The following IQCN variants were observed in gnomAD, a reference collection of about 807,000 sequenced individuals.
IQCN encodes the protein IQ domain-containing protein N.
In IQCN, 46 loss-of-function variants were observed where a neutral mutation model predicts 64.4. That is an observed-to-expected ratio of 0.71 (90% CI 0.56 to 0.91). The LOEUF is 0.91. IQCN is among the 40% of genes least tolerant of loss of function. The pLI is 0.00. For synonymous variants in IQCN, 733 were observed against 775.6 expected, an observed-to-expected ratio of 0.95 and a Z score of 0.91; for missense variants, 1,753 against 1,857.4, an observed-to-expected ratio of 0.94 and a Z score of 1.03.
In IQCN at chr19:18,268,174, C is replaced by G. The variant is rs78102152; in HGVS notation, c.14-648G>C. On this transcript the variant is annotated intron_variant, in intron 2 of 3. Transcript: ENST00000392413. ...TGTTTTGGAAATTTCCTGTTTGCCT[C>G]TGTGTGTGTGTGTGTGTGTGTGTGT... is the stretch of plus-strand genomic sequence containing the variant. Among the ~76,000 whole-genome samples, 55 of 134,500 alleles carry G rather than the reference C, an allele frequency of 4.1e-4. 1 individual carries two copies. The South Asian group carries it at 9.3e-3, about 23-fold the overall frequency. 88.2% of individuals were successfully genotyped at this position (134,500 alleles called of 152,430 possible).
chr19:18,258,956 G>A (rs1969374311), intron 3 of IQCN: 1 of 163,552 alleles, frequency 6.1e-6, no homozygotes, highest in South Asian at 1.5e-4. Context: ...CAGAGGACTG[G>A]AGTACATCCA....
Position 18,258,736 on chromosome 19 carries a change from C to T in IQCN, c.3178-630G>A, listed in dbSNP as rs1406730055. 1.1e-4 allele frequency: 33 copies of T among 309,714 alleles called. No individual in the cohort carries two copies. In the East Asian group the frequency reaches 2.8e-3, roughly 26 times the overall value. 19.2% of individuals were successfully genotyped at this position (309,714 alleles called of 1,614,324 possible). On this transcript the variant is annotated intron_variant, in intron 3 of 3. Coordinates refer to ENST00000392413, the MANE Select transcript of IQCN (RefSeq NM_001145304.2). ...CGGGCCAGCTGGGGTGATCCTGAGA[C>T]TACATTAGAAGCCACTGTACCCTGA...
chr19:18,272,971 GA>G (rs1394102339), intron 1 of IQCN, among the ~76,000 whole-genome samples: 1 of 152,106 alleles, frequency 6.6e-6, no homozygotes, highest in African/African-American at 2.4e-5. Context: ...ATCACATATT[GA>G]AAGGGTCCAT....
chr19:18,259,936 G>T (rs1480720105), intron 3 of IQCN: 1 of 152,318 alleles, frequency 6.6e-6, no homozygotes, highest in Non-Finnish European at 1.5e-5. Flanking sequence ...CATTGACTTT[G>T]GCCCATGCCA....
intron 3 of IQCN, chr19:18,261,503 C>G (rs865916239): frequency 2.6e-4 from 39 of 148,978 alleles, no homozygotes; most frequent in African/African-American, 9.9e-4. Context: ...TTGGAGACTC[C>G]CCAGTGGGCT....
In IQCN at chr19:18,264,973, C is replaced by T. The variant is rs61733990; in HGVS notation, c.2567G>A (p.Arg856His). 1,181 of 1,608,134 alleles carry T rather than the reference C, an allele frequency of 7.3e-4. 3 individuals carry two copies. In the African/African-American group the frequency reaches 0.013, roughly 17 times the overall value. ...CTGGCCGGGCATTGATGGCTGGGCA[C>T]GTGTGGCTCCGTTGTCTCCCCAGGA... ...VESWGDNGAT[R>H]AQPSMPGQAV... is the part of the protein sequence containing the mutation. Residue 856 changes from arginine to histidine, a missense_variant, in exon 3 of 4, where the codon CGT becomes CAT. Coordinates refer to ENST00000392413, the MANE Select transcript of IQCN (RefSeq NM_001145304.2). This position sits in a 1 kb window ranked among gnomAD's most constrained non-coding sequence, Gnocchi z 4.3.
At chr19:18,267,619 T>A (rs1969632276) in intron 2 of IQCN, 93 bp from the exon 3 acceptor site, 2 of 1,429,806 alleles carry the variant, frequency 1.4e-6, no homozygotes, top group African/African-American at 1.4e-5. Flanking sequence ...CAGGCCCAGA[T>A]CTTGTTCCTG....
At chr19:18,269,616 G>A in intron 1 of IQCN, 29 bp from the exon 2 acceptor site, 1 of 545,362 alleles carries the variant, frequency 1.8e-6, no homozygotes, top group Admixed American at 4.1e-5. Context: ...AAAAAGAAAT[G>A]TTAAAAGCAA....
At chr19:18,262,350 A>G (rs1189786981) in intron 3 of IQCN, 1 of 152,998 alleles carries the variant, frequency 6.5e-6, no homozygotes, top group Non-Finnish European at 1.5e-5. Flanking sequence ...CTGAGCCAGC[A>G]TTGGGTACTC....
rs755996872 is a variant in IQCN at position 18,266,345 on chromosome 19, T to A, written c.1195A>T (p.Thr399Ser). The A allele has an allele frequency of 1.2e-6, 2 of 1,612,898 alleles. No individual in the cohort carries two copies. The highest frequency in any genetic ancestry group is 2.7e-5 in the African/African-American group (2 of 74,746). ...GGGTGTACCTGGATCTTGGTCATTG[T>A]GGGCATGGGGCATGTGTGAGGTGCA... The part of the protein sequence containing the change: ...KTAPHTCPMP[T>S]MTKIQVHPTA... Residue 399 changes from threonine (T) to serine (S), a missense_variant, in exon 3 of 4, where the codon ACA becomes TCA. By Grantham distance (58) the Thr-to-Ser change is moderately conservative. Coordinates refer to ENST00000392413, the MANE Select transcript of IQCN (RefSeq NM_001145304.2). The surrounding 1 kb of genome is among the most constrained non-coding windows in gnomAD (Gnocchi z 4.3).
intron 3 of IQCN, 27 bp from the exon 4 acceptor site, chr19:18,258,133 C>A: frequency 6.2e-7 from 1 of 1,603,132 alleles, no homozygotes; most frequent in Non-Finnish European, 8.5e-7. Flanking sequence ...TTCAGGGATG[C>A]CTTGTGACTA....
In IQCN at chr19:18,264,714, G is replaced by A. The variant is rs1600124413; in HGVS notation, c.2826C>T (p.Ser942=). 9 of 1,551,176 alleles carry A rather than the reference G, an allele frequency of 5.8e-6. No homozygotes were observed. Among genetic ancestry groups the A allele is most frequent in the Non-Finnish European group, 7.8e-6 (9 of 1,146,994 alleles). Residue 942 remains serine (S), a synonymous_variant, in exon 3 of 4, where the codon TCC becomes TCT. Transcript: ENST00000392413. This position sits in a 1 kb window ranked among gnomAD's most constrained non-coding sequence, Gnocchi z 4.3. ...MLSMALVKAL[S]WSELRLTLSR... ...ACAGGGTCAGGCGCAGCTCACTCCA[G>A]GACAGCGCCTTCACCAGCGCCATGC...
intron 1 of IQCN, among the ~76,000 whole-genome samples, chr19:18,272,494 A>C (rs1350373857): frequency 6.6e-6 from 1 of 152,134 alleles, no homozygotes; most frequent in East Asian, 1.9e-4. Flanking sequence ...TCAAGACTGC[A>C]AAGTCACAGG....
In IQCN at chr19:18,265,901, T is replaced by G; in HGVS notation, c.1639A>C (p.Ile547Leu). 6.2e-7 allele frequency: 1 copy of G among 1,614,196 alleles called. No homozygotes were observed. The highest frequency in any genetic ancestry group is 2.2e-5 in the East Asian group (1 of 44,884). Reference protein sequence around the residue: ...AAGTPNTSGSIHENPPKAKAT... With the variant: ...AAGTPNTSGSLHENPPKAKAT... ...TTGGCCTTGGGTGGGTTCTCATGGA[T>G]GGAGCCTGAGGTGTTGGGAGTTCCG... Residue 547 changes from isoleucine (I) to leucine (L), a missense_variant, in exon 3 of 4, where the codon ATC becomes CTC. Ile to Leu is a conservative substitution (Grantham distance 5). Coordinates refer to ENST00000392413, the MANE Select transcript of IQCN (RefSeq NM_001145304.2). The surrounding 1 kb of genome is among the most constrained non-coding windows in gnomAD (Gnocchi z 4.7).
chr19:18,273,022 ATATT>A (rs1293834879), intron 1 of IQCN, among the ~76,000 whole-genome samples: 2 of 152,024 alleles, frequency 1.3e-5, no homozygotes, highest in African/African-American at 4.8e-5. Flanking sequence ...TGACACACAT[ATATT>A]TATTATTTTT....
chr19:18,271,896 G>A (rs887451818), intron 1 of IQCN, among the ~76,000 whole-genome samples: 2 of 151,748 alleles, frequency 1.3e-5, no homozygotes, highest in Non-Finnish European at 2.9e-5. Context: ...TGCAACCTCC[G>A]CCTCCTGGGT....
At position 18,257,717 on chromosome 19, in the gene IQCN, G is replaced by A; in HGVS notation, c.3567C>T (p.Val1189=). The change falls in exon 4 of 4, where the codon GTC becomes GTT. Residue 1189 remains valine, a synonymous_variant. Coordinates refer to ENST00000392413, the MANE Select transcript of IQCN (RefSeq NM_001145304.2). ...CCCGGCTGCCCAGCTCCACCCACGT[G>A]ACGGGGTGGAGCATCTGCCAGTGCC... ...QARHWQMLHP[V]TWVELGSRAG... 6.2e-7 allele frequency: 1 copy of A among 1,609,308 alleles called. No individual in the cohort carries two copies. The highest frequency in any genetic ancestry group is 1.3e-5 in the African/African-American group (1 of 75,014).
Position 18,264,864 on chromosome 19 carries a change from C to T in IQCN, c.2676G>A (p.Glu892=), listed in dbSNP as rs538736936. 24 of 1,608,596 alleles carry T rather than the reference C, an allele frequency of 1.5e-5. No homozygotes were observed. In the South Asian group the frequency reaches 2.2e-4, roughly 15 times the overall value. ...AEVAGVLASQ[E]DLRTLLAKAL... is the part of the protein sequence containing the mutation. ...CTTTGGCCAACAGAGTGCGGAGATC[C>T]TCCTGGGATGCCAGCACACCAGCTA... is the stretch of plus-strand genomic sequence containing the variant. The change falls in exon 3 of 4, where the codon GAG becomes GAA. Residue 892 remains glutamate, a synonymous_variant. Transcript: ENST00000392413. This position sits in a 1 kb window ranked among gnomAD's most constrained non-coding sequence, Gnocchi z 4.3.
rs766872260 is a variant in IQCN at position 18,267,093 on chromosome 19, G to A, written c.447C>T (p.Ser149=). ...CCCTCGTTTTCTTTACCAACGACTT[G>A]CTGGAGTGAAGGATGTGTCTCTTGT... The part of the protein sequence containing the change: ...RFNKRHILHS[S]KSLVKKTRAE... The change falls in exon 3 of 4, where the codon AGC becomes AGT. Residue 149 remains serine, a synonymous_variant. Coordinates refer to ENST00000392413, the MANE Select transcript of IQCN (RefSeq NM_001145304.2). The A allele has an allele frequency of 3.1e-6, 5 of 1,614,236 alleles. No homozygotes were observed. Among genetic ancestry groups the A allele is most frequent in the Middle Eastern group, 3.3e-4 (2 of 6,062 alleles).
Sources: gnomAD v4.1 joint callset for allele counts (sites outside exome capture counted in the v4.1 genomes callset) on GRCh38, gnomAD v4.1.1 for gene constraint, Gnocchi (gnomAD v3.1) non-coding constraint, MANE v1.5 for transcripts, NCBI Gene and HGNC (gene_info 2026-07-23, HGNC 2026-07-21) for gene names.